LRRC8C: variants seen among roughly 807,000 people sequenced by gnomAD.
The protein encoded by LRRC8C is leucine rich repeat containing 8 VRAC subunit C.
In LRRC8C, 20 loss-of-function variants were observed where a neutral mutation model predicts 55.3. That is an observed-to-expected ratio of 0.36 (90% CI 0.25 to 0.53). LRRC8C has a LOEUF of 0.53. LRRC8C is among the 20% of genes least tolerant of loss of function. The probability of loss-of-function intolerance (pLI) is 0.92; values close to 1 mark genes in which losing one functional copy is unlikely to be tolerated. For synonymous variants in LRRC8C, 376 were observed against 360.7 expected, an observed-to-expected ratio of 1.04 and a Z score of -0.48; for missense variants, 659 against 951.4, an observed-to-expected ratio of 0.69 and a Z score of 4.04.
In LRRC8C at chr1:89,710,506, G is replaced by C. The variant is rs533751935; in HGVS notation, c.139-2203G>C. 5.3e-5 allele frequency among the ~76,000 whole-genome samples: 8 copies of C among 152,206 alleles called. No individual in the cohort carries two copies. The South Asian group carries it at 1.5e-3, about 28-fold the overall frequency. On this transcript the variant is annotated intron_variant, in intron 2 of 2. Coordinates refer to ENST00000370454, the MANE Select transcript of LRRC8C (RefSeq NM_032270.5). Reference sequence around the variant, plus strand: ...CCTATAGGAAGACATAAATATAGTGGGTAGGCATACTCAACATTTTCCTCT... The same window carrying C: ...CCTATAGGAAGACATAAATATAGTGCGTAGGCATACTCAACATTTTCCTCT...
intron 2 of LRRC8C, among the ~76,000 whole-genome samples, chr1:89,708,898 G>A (rs1658564065): frequency 6.6e-6 from 1 of 152,132 alleles, no homozygotes; most frequent in Admixed American, 6.6e-5. Flanking sequence ...CTTGTGATGT[G>A]TTCCCTCAGC....
At chr1:89,653,359 A>C (rs1656842545) in intron 1 of LRRC8C, among the ~76,000 whole-genome samples, 1 of 152,250 alleles carries the variant, frequency 6.6e-6, no homozygotes, top group African/African-American at 2.4e-5. Context: ...TCAGTGTTTA[A>C]GTTTTTGCAA....
chr1:89,620,747 A>G, the LRRC8C span, among the ~76,000 whole-genome samples: 4,415 of 152,340 alleles, frequency 0.029, 214 homozygotes, highest in African/African-American at 0.099. Context: ...TCACAAGATC[A>G]GGAGATTCAT....
At chr1:89,684,171 T>C (rs1020878197) in intron 1 of LRRC8C, among the ~76,000 whole-genome samples, 4 of 152,220 alleles carry the variant, frequency 2.6e-5, no homozygotes, top group Admixed American at 2.6e-4. Flanking sequence ...GTTCTCCTCA[T>C]TGTTTTAGAG....
chr1:89,660,104 A>T (rs1657072653), intron 1 of LRRC8C, among the ~76,000 whole-genome samples: 1 of 152,136 alleles, frequency 6.6e-6, no homozygotes, highest in Non-Finnish European at 1.5e-5. Flanking sequence ...CTGTGTGGGG[A>T]AGCCTGACAG....
the LRRC8C span, among the ~76,000 whole-genome samples, chr1:89,621,366 G>A: frequency 6.6e-6 from 1 of 151,960 alleles, no homozygotes; most frequent in African/African-American, 2.4e-5. Context: ...CTACTCAGGA[G>A]GCTGAGGCAG....
At chr1:89,663,958 T>C (rs995395404) in intron 1 of LRRC8C, among the ~76,000 whole-genome samples, 1 of 152,258 alleles carries the variant, frequency 6.6e-6, no homozygotes, top group Non-Finnish European at 1.5e-5. Flanking sequence ...CTCTGCCCAC[T>C]TTTTGATGGT....
chr1:89,665,900 A>G (rs1163902432), intron 1 of LRRC8C, among the ~76,000 whole-genome samples: 1 of 152,158 alleles, frequency 6.6e-6, no homozygotes, highest in African/African-American at 2.4e-5. Context: ...ATACATTTTT[A>G]TTTTACCTTT....
chr1:89,631,691 G>A (rs1656112114), upstream of LRRC8C: 3 of 152,124 alleles, frequency 2.0e-5, no homozygotes, highest in East Asian at 3.9e-4. Flanking sequence ...TAGGAGGTAA[G>A]CCCGGACCTA....
At chr1:89,636,805 G>A (rs150904737) in intron 1 of LRRC8C, among the ~76,000 whole-genome samples, 40 of 152,106 alleles carry the variant, frequency 2.6e-4, no homozygotes, top group African/African-American at 8.4e-4. Context: ...CACAGCACCC[G>A]GCCCACTCCT....
intron 1 of LRRC8C, among the ~76,000 whole-genome samples, chr1:89,672,202 G>C (rs530359674): frequency 6.6e-6 from 1 of 152,288 alleles, no homozygotes; most frequent in South Asian, 2.1e-4. Context: ...CTAGCTAACT[G>C]TTACTACTTA....
intron 1 of LRRC8C, among the ~76,000 whole-genome samples, chr1:89,681,858 A>G (rs931790844): frequency 1.3e-5 from 2 of 152,232 alleles, no homozygotes; most frequent in African/African-American, 2.4e-5. Flanking sequence ...ATATGTAGAC[A>G]TGTAGACATA....
intron 1 of LRRC8C, among the ~76,000 whole-genome samples, chr1:89,656,798 A>T (rs1324502747): frequency 6.6e-6 from 1 of 152,234 alleles, no homozygotes; most frequent in Non-Finnish European, 1.5e-5. Flanking sequence ...AATCCAGAAG[A>T]TTCCCAAGAG....
rs147166711 is a variant in LRRC8C at position 89,692,763 on chromosome 1, C to T, written c.138+6152C>T. Among the ~76,000 whole-genome samples, 1,357 of 152,254 alleles carry T rather than the reference C, an allele frequency of 8.9e-3. 26 individuals are homozygous for T. Among genetic ancestry groups the T allele is most frequent in the African/African-American group, 0.03 (1,249 of 41,544 alleles). ...CTGTACAGTCATACACCCTCAAGGACCAATAGTGTAAACACCCAACTTTGT... is the reference window on the plus strand; with the variant it reads ...CTGTACAGTCATACACCCTCAAGGATCAATAGTGTAAACACCCAACTTTGT... On this transcript the variant is annotated intron_variant, in intron 2 of 2. Coordinates refer to ENST00000370454, the MANE Select transcript of LRRC8C (RefSeq NM_032270.5).
intron 1 of LRRC8C, among the ~76,000 whole-genome samples, chr1:89,658,936 A>G (rs1463598778): frequency 6.6e-6 from 1 of 152,152 alleles, no homozygotes; most frequent in Non-Finnish European, 1.5e-5. Flanking sequence ...CAAATTTTTA[A>G]AAAAAGTATC....
chr1:89,691,101 G>T (rs1658016124), intron 2 of LRRC8C, among the ~76,000 whole-genome samples: 1 of 152,166 alleles, frequency 6.6e-6, no homozygotes, highest in African/African-American at 2.4e-5. Flanking sequence ...CAGACACTCT[G>T]TGGGGTGTTA....
upstream of LRRC8C, among the ~76,000 whole-genome samples, chr1:89,629,168 T>C (rs1656044911): frequency 6.6e-6 from 1 of 152,218 alleles, no homozygotes; most frequent in Non-Finnish European, 1.5e-5. Context: ...GAGTCAAGGA[T>C]TTCAAAACTG....
At chr1:89,690,500 A>G (rs1194407094) in intron 2 of LRRC8C, among the ~76,000 whole-genome samples, 3 of 152,172 alleles carry the variant, frequency 2.0e-5, no homozygotes, top group African/African-American at 7.2e-5. Flanking sequence ...GATCTGCCTA[A>G]CAAGCACACG....
At chr1:89,705,739 C>A (rs541851090) in intron 2 of LRRC8C, among the ~76,000 whole-genome samples, 1 of 152,084 alleles carries the variant, frequency 6.6e-6, no homozygotes, top group South Asian at 2.1e-4. Context: ...AAGATCACGC[C>A]ACTGCACCCC....
Sources: allele counts gnomAD v4.1 joint callset (sites outside exome capture counted in the v4.1 genomes callset), GRCh38; gene constraint gnomAD v4.1.1; transcripts MANE v1.5; gene names NCBI Gene and HGNC (gene_info 2026-07-23, HGNC 2026-07-21).